UBA2: variants seen among roughly 807,000 people sequenced by gnomAD.
UBA2 encodes ubiquitin like modifier activating enzyme 2, also known as SUMO-activating enzyme subunit 2.
In UBA2, 11 loss-of-function variants were observed where a neutral mutation model predicts 77.2. The observed-to-expected ratio is 0.14, with a 90% CI of 0.09 to 0.24. UBA2 has a LOEUF of 0.24. UBA2 is among the 10% of genes least tolerant of loss of function. UBA2 has a pLI of 1.00. For missense variants in UBA2, 487 were observed against 781.7 expected (o/e 0.62, Z 4.50); for synonymous variants, 278 against 276.7 (o/e 1.00, Z -0.05).
intron 8 of UBA2, among the ~76,000 whole-genome samples, chr19:34,446,615 T>TC (rs1349314351): frequency 8.6e-5 from 2 of 23,152 alleles, no homozygotes; most frequent in African/African-American, 1.1e-4. Context: ...TTTCTTTCTT[T>TC]TTTTTTTTTT....
At chr19:34,457,543 C>G (rs538171051) in intron 12 of UBA2, among the ~76,000 whole-genome samples, 1 of 152,270 alleles carries the variant, frequency 6.6e-6, no homozygotes, top group South Asian at 2.1e-4. Flanking sequence ...ATCTTTCTCC[C>G]TCTGTAGCCT....
At chr19:34,456,621 G>A (rs951183490) in intron 12 of UBA2, among the ~76,000 whole-genome samples, 2 of 151,310 alleles carry the variant, frequency 1.3e-5, no homozygotes, top group Admixed American at 6.6e-5. Flanking sequence ...GCAGTGGCGC[G>A]ATCTCAGCTC....
intron 12 of UBA2, among the ~76,000 whole-genome samples, chr19:34,458,558 C>CAAAAA (rs60349858): frequency 4.9e-4 from 30 of 60,634 alleles, no homozygotes; most frequent in African/African-American, 2.0e-3. Context: ...GACTCCGTCT[C>CAAAAA]AAAAAAAAAA....
At chr19:34,452,261 A>G (rs2075509466) in intron 10 of UBA2, 114 bp downstream of exon 10, 3 of 970,944 alleles carry the variant, frequency 3.1e-6, no homozygotes, top group African/African-American at 3.3e-5. Flanking sequence ...GAGGAAATAT[A>G]TTGATTTGGC....
intron 6 of UBA2, among the ~76,000 whole-genome samples, chr19:34,442,066 C>T (rs1416264700): frequency 1.3e-5 from 2 of 151,958 alleles, no homozygotes; most frequent in African/African-American, 4.8e-5. Context: ...GAAACCCCAT[C>T]ACTACAAAAA....
chr19:34,438,971 A>C (rs2075339082), intron 6 of UBA2, among the ~76,000 whole-genome samples: 1 of 152,054 alleles, frequency 6.6e-6, no homozygotes, highest in Non-Finnish European at 1.5e-5. Flanking sequence ...CACTTTGGGA[A>C]ACTGAGGTGG....
At chr19:34,453,615 C>G (rs1321199169) in intron 10 of UBA2, among the ~76,000 whole-genome samples, 2 of 151,368 alleles carry the variant, frequency 1.3e-5, no homozygotes, top group Non-Finnish European at 2.9e-5. Context: ...CCTCTGCGTC[C>G]CGGGTTCAAG....
Position 34,438,665 on chromosome 19 carries a change from G to A in UBA2, c.480G>A (p.Glu160=), listed in dbSNP as rs2075336046. The A allele has an allele frequency of 6.2e-7, 1 of 1,614,140 alleles. No individual in the cohort carries two copies. Among genetic ancestry groups the A allele is most frequent in the Non-Finnish European group, 8.5e-7 (1 of 1,180,038 alleles). The change falls in exon 6 of 17, where the codon GAG becomes GAA. Residue 160 remains glutamate, a synonymous_variant. Coordinates refer to ENST00000246548, the MANE Select transcript of UBA2 (RefSeq NM_005499.3). ...TIKKGVTECY[E]CHPKPTQRTF... Reference sequence around the variant, plus strand: ...CATAGGGTGTGACCGAGTGTTATGAGTGTCATCCTAAGCCGACCCAGAGAA... The same window carrying A: ...CATAGGGTGTGACCGAGTGTTATGAATGTCATCCTAAGCCGACCCAGAGAA...
intron 8 of UBA2, among the ~76,000 whole-genome samples, chr19:34,449,548 G>C (rs1488798586): frequency 6.6e-6 from 1 of 152,116 alleles, no homozygotes; most frequent in African/African-American, 2.4e-5. Context: ...CCTGGTACCA[G>C]CAATAAATGT....
chr19:34,436,975 C>G (rs2075315666), intron 5 of UBA2, among the ~76,000 whole-genome samples: 2 of 152,174 alleles, frequency 1.3e-5, no homozygotes, highest in Non-Finnish European at 2.9e-5. Context: ...CAGTATGAGT[C>G]TCATGACTGC....
intron 6 of UBA2, among the ~76,000 whole-genome samples, chr19:34,439,262 G>T (rs991477153): frequency 6.6e-6 from 1 of 151,096 alleles, no homozygotes; most frequent in Non-Finnish European, 1.5e-5. Flanking sequence ...GTCTTATATT[G>T]GAGACAGCCA....
intron 15 of UBA2, among the ~76,000 whole-genome samples, chr19:34,465,964 C>T (rs1459417155): frequency 2.0e-5 from 3 of 152,100 alleles, no homozygotes; most frequent in Non-Finnish European, 4.4e-5. Flanking sequence ...TGTACAGAAG[C>T]ATGGTGTAGC....
intron 8 of UBA2, among the ~76,000 whole-genome samples, chr19:34,445,475 TGTC>T (rs1047974382): frequency 5.4e-5 from 8 of 148,492 alleles, no homozygotes; most frequent in African/African-American, 2.0e-4. Context: ...GTCTCACTCT[TGTC>T]GCCCAGGCTG....
chr19:34,444,294 G>A (rs1453992179), intron 7 of UBA2, among the ~76,000 whole-genome samples: 1 of 151,978 alleles, frequency 6.6e-6, no homozygotes, highest in African/African-American at 2.4e-5. Flanking sequence ...TTGACCTGAG[G>A]TGATCCACCC....
intron 6 of UBA2, among the ~76,000 whole-genome samples, chr19:34,441,714 A>G (rs1029089197): frequency 2.4e-4 from 37 of 152,122 alleles, no homozygotes; most frequent in African/African-American, 8.4e-4. Flanking sequence ...TGAGGCCAGG[A>G]GTTTGAGAAC....
chr19:34,428,654 A>C, intron 1 of UBA2, 84 bp downstream of exon 1: 8 of 851,056 alleles, frequency 9.4e-6, no homozygotes, highest in Non-Finnish European at 1.0e-5. Context: ...AGGGGCTCTG[A>C]GGCTCAGGGC....
chr19:34,445,207 C>A (rs2075415015), intron 8 of UBA2, 86 bp downstream of exon 8: 3 of 1,379,580 alleles, frequency 2.2e-6, no homozygotes, highest in African/African-American at 1.5e-5. Flanking sequence ...TTAAAATAGT[C>A]CATAAAATTG....
chr19:34,468,558 A>G (rs1463485172), intron 16 of UBA2, among the ~76,000 whole-genome samples: 1 of 152,180 alleles, frequency 6.6e-6, no homozygotes, highest in Non-Finnish European at 1.5e-5. Context: ...ATCCTCTGCT[A>G]CTATGTAAGC....
Position 34,428,726 on chromosome 19 carries a change from C to T in UBA2, c.138+156C>T, listed in dbSNP as rs971100634. ...GCTGAGAGGCTCGGGTTGTGCCCCC[C>T]CCGCGGGAGGAGACTGTTCTTTGGG... On this transcript the variant is annotated intron_variant, in intron 1 of 16. Coordinates refer to ENST00000246548, the MANE Select transcript of UBA2 (RefSeq NM_005499.3). 131 of 1,154,398 alleles carry T rather than the reference C, an allele frequency of 1.1e-4. 2 individuals carry two copies. The Admixed American group carries it at 2.7e-3, about 24-fold the overall frequency. 71.5% of individuals were successfully genotyped at this position (1,154,398 alleles called of 1,614,324 possible).
Sources: gnomAD v4.1 joint callset for allele counts (sites outside exome capture counted in the v4.1 genomes callset) on GRCh38, gnomAD v4.1.1 for gene constraint, MANE v1.5 for transcripts, NCBI Gene and HGNC (gene_info 2026-07-23, HGNC 2026-07-21) for gene names.